The following RCC2 variants were observed in gnomAD, a reference collection of about 807,000 sequenced individuals.
RCC2 encodes regulator of chromosome condensation 2.
RCC2 carries 19 observed loss-of-function variants against 64.1 expected under a neutral mutation model. The observed-to-expected ratio is 0.30, with a 90% CI of 0.21 to 0.44. The LOEUF (loss-of-function observed/expected upper bound fraction) is 0.44, where lower values mean the gene tolerates loss of function less well. Ranked by LOEUF, RCC2 falls within the 20% of genes least tolerant of loss-of-function variation. The pLI, the probability that RCC2 is intolerant of heterozygous loss-of-function variation, is 1.00. For missense variants in RCC2, 508 were observed against 710.4 expected, an observed-to-expected ratio of 0.72 and a Z score of 3.24; for synonymous variants, 325 against 279.6, an observed-to-expected ratio of 1.16 and a Z score of -1.62.
At chr1:17,437,783 C>T (rs1342951600) in intron 2 of RCC2, among the ~76,000 whole-genome samples, 2 of 146,918 alleles carry the variant, frequency 1.4e-5, no homozygotes, top group Non-Finnish European at 3.0e-5. Context: ...GCCGGCCGCC[C>T]CCTCCCCGCG....
chr1:17,423,152 C>T (rs543367116), intron 4 of RCC2, among the ~76,000 whole-genome samples: 7 of 152,288 alleles, frequency 4.6e-5, no homozygotes, highest in Admixed American at 2.0e-4. Context: ...CGGGCATGCT[C>T]GCAGAAACAC....
In RCC2 at chr1:17,437,882, C is replaced by A. The variant is rs536320713; in HGVS notation, c.285+348G>T. Among the ~76,000 whole-genome samples, 39 of 145,866 alleles carry A rather than the reference C, an allele frequency of 2.7e-4. No homozygotes were observed. In the East Asian group the frequency reaches 6.7e-3, roughly 25 times the overall value. On this transcript the variant is annotated intron_variant, in intron 2 of 12. Transcript: ENST00000375436. ...GGGCGAACTTACCGAGGTCCCCTTTCCCGGGGCGGGGGGGGAGGGGCGCAG... is the reference window on the plus strand; with the variant it reads ...GGGCGAACTTACCGAGGTCCCCTTTACCGGGGCGGGGGGGGAGGGGCGCAG...
rs538800554 is a variant in RCC2 at position 17,412,244 on chromosome 1, C to T, written c.1314-50G>A. 528 of 1,561,060 alleles carry T rather than the reference C, an allele frequency of 3.4e-4. 7 individuals carry two copies. In the South Asian group the frequency reaches 5.2e-3, roughly 15 times the overall value. ...CAGGGCCAGCAGCCCCAGACCTGCACCCACGCAGCTATGGCTCAAGGGCAT... is the reference window on the plus strand; with the variant it reads ...CAGGGCCAGCAGCCCCAGACCTGCATCCACGCAGCTATGGCTCAAGGGCAT... On this transcript the variant is annotated intron_variant, in intron 10 of 12. Transcript: ENST00000375436.
chr1:17,415,736 C>G (rs143991574), intron 8 of RCC2, among the ~76,000 whole-genome samples: 2 of 150,726 alleles, frequency 1.3e-5, no homozygotes, highest in Non-Finnish European at 3.0e-5. Context: ...GATACACAAA[C>G]AAAAGATTGC....
intron 2 of RCC2, among the ~76,000 whole-genome samples, chr1:17,431,362 ATATAT>A (rs2075677730): frequency 2.2e-5 from 1 of 44,852 alleles, no homozygotes; most frequent in African/African-American, 7.6e-5. Context: ...AAAAAAAAAT[ATATAT>A]ATATATATAT....
intron 2 of RCC2, among the ~76,000 whole-genome samples, chr1:17,437,297 G>A (rs970508696): frequency 2.0e-5 from 3 of 152,222 alleles, no homozygotes; most frequent in African/African-American, 7.2e-5. Flanking sequence ...TACACCCCAG[G>A]TGGAAGTTCT....
chr1:17,421,450 G>A (rs1233987026), intron 6 of RCC2, among the ~76,000 whole-genome samples: 2 of 151,486 alleles, frequency 1.3e-5, no homozygotes, highest in African/African-American at 4.9e-5. Flanking sequence ...AGCTGAGATC[G>A]CGCCACTGCA....
Position 17,406,814 on chromosome 1 carries a change from A to AT in RCC2, c.*2275dup, listed in dbSNP as rs2075365111. The stretch of plus-strand genomic sequence containing the variant: ...AATGTTTACTCCAAGAAATATATAT[A>AT]TAAAAAAAATAATAAGACAATTACA... On this transcript the variant is annotated 3_prime_UTR_variant, in exon 13 of 13. Transcript: ENST00000375436. 2 of 152,188 alleles carry AT rather than the reference A, an allele frequency of 1.3e-5. No individual in the cohort carries two copies. Among genetic ancestry groups the AT allele is most frequent in the African/African-American group, 4.8e-5 (2 of 41,442 alleles). The allele number at this position is 152,188 out of a possible 1,614,324, so 9.4% of individuals were successfully genotyped here.
At chr1:17,434,095 C>G (rs933103522) in intron 2 of RCC2, among the ~76,000 whole-genome samples, 1 of 152,202 alleles carries the variant, frequency 6.6e-6, no homozygotes, top group Non-Finnish European at 1.5e-5. Context: ...ATGAAGTGCG[C>G]AAAGAATTAG....
At chr1:17,412,277 A>G (rs2075435418) in intron 10 of RCC2, 83 bp from the exon 11 acceptor site, 9 of 1,286,388 alleles carry the variant, frequency 7.0e-6, no homozygotes, top group Non-Finnish European at 1.0e-5. Flanking sequence ...CATGAGTGTG[A>G]GCTGCCACTT....
intron 4 of RCC2, 100 bp downstream of exon 4, chr1:17,425,441 A>G (rs941197240): frequency 1.2e-5 from 15 of 1,260,218 alleles, no homozygotes; most frequent in South Asian, 1.6e-5. Flanking sequence ...GCCCAGCCTT[A>G]TAAGACGCGA....
chr1:17,431,374 A>ATATATG (rs1412909248), intron 2 of RCC2, among the ~76,000 whole-genome samples: 2 of 110,774 alleles, frequency 1.8e-5, no homozygotes, highest in African/African-American at 6.6e-5. Flanking sequence ...ATATATATAT[A>ATATATG]TATATATGTG....
At chr1:17,437,617 A>ATTTGTTT (rs1429750810) in intron 2 of RCC2, among the ~76,000 whole-genome samples, 2 of 5,200 alleles carry the variant, frequency 3.8e-4, no homozygotes, top group Non-Finnish European at 9.9e-4. Context: ...CGGCAAACAA[A>ATTTGTTT]GCCCGAGCAC....
chr1:17,431,778 G>C (rs1009546803), intron 2 of RCC2, among the ~76,000 whole-genome samples: 2 of 151,894 alleles, frequency 1.3e-5, no homozygotes, highest in Admixed American at 6.6e-5. Flanking sequence ...TCAATCTACA[G>C]GAATGCATCC....
chr1:17,422,107 G>GGTA, intron 6 of RCC2, 96 bp downstream of exon 6: 1 of 808,476 alleles, frequency 1.2e-6, no homozygotes, highest in African/African-American at 1.7e-5. Flanking sequence ...TTTTACAAGG[G>GGTA]GTAAATTAAC....
intron 2 of RCC2, among the ~76,000 whole-genome samples, chr1:17,437,644 T>C (rs1215481953): frequency 2.3e-4 from 1 of 4,416 alleles, no homozygotes; most frequent in Non-Finnish European, 6.3e-4. Context: ...GCCGGGGGGC[T>C]TCCCCGACCT....
chr1:17,420,950 TTC>T, intron 6 of RCC2, 122 bp from the exon 7 acceptor site: 1 of 663,952 alleles, frequency 1.5e-6, no homozygotes, highest in South Asian at 2.0e-5. Context: ...AACTCAGTAA[TTC>T]TGAAGGCAAA....
At chr1:17,431,359 A>AAAAT (rs1553158471) in intron 2 of RCC2, among the ~76,000 whole-genome samples, 1 of 44,932 alleles carries the variant, frequency 2.2e-5, no homozygotes, top group African/African-American at 1.1e-4. Context: ...AAAAAAAAAA[A>AAAAT]ATATATATAT....
chr1:17,436,881 GA>G (rs375249904), intron 2 of RCC2, among the ~76,000 whole-genome samples: 1 of 152,310 alleles, frequency 6.6e-6, no homozygotes, highest in Admixed American at 6.5e-5. Context: ...GACGTCAAAG[GA>G]AAACAGTTCC....
Sources: gnomAD v4.1 joint callset for allele counts (sites outside exome capture counted in the v4.1 genomes callset) on GRCh38, gnomAD v4.1.1 for gene constraint, MANE v1.5 for transcripts, NCBI Gene and HGNC (gene_info 2026-07-23, HGNC 2026-07-21) for gene names.